The following OXR1 variants were observed in gnomAD, a reference collection of about 807,000 sequenced individuals.
OXR1 encodes oxidation resistance 1.
A neutral mutation model predicts 104.6 loss-of-function variants in OXR1; 41 were observed. That is an observed-to-expected ratio of 0.39 (90% CI 0.31 to 0.51). The LOEUF is 0.51. Ranked by LOEUF, OXR1 falls within the 20% of genes least tolerant of loss-of-function variation. The pLI, the probability that OXR1 is intolerant of heterozygous loss-of-function variation, is 0.77. For missense variants in OXR1, 955 were observed against 1,031.9 expected, an observed-to-expected ratio of 0.93 and a Z score of 1.02; for synonymous variants, 348 against 348.4, an observed-to-expected ratio of 1.00 and a Z score of 0.01.
At chr8:106,601,816 T>C (rs1432677302) in intron 3 of OXR1, among the ~76,000 whole-genome samples, 1 of 152,156 alleles carries the variant, frequency 6.6e-6, no homozygotes, top group Non-Finnish European at 1.5e-5. Flanking sequence ...GTAATTAAAG[T>C]GTTTGATCAG....
rs907773512 is a variant in OXR1 at position 106,288,654 on chromosome 8, TACTC to T, written c.-139+18288_-139+18291del. On this transcript the variant is annotated intron_variant, in intron 1 of 16. Transcript: ENST00000517566. ...TTATATATTAATATATACACACACATACTCTATCTATATTTAAATTTATGTATTA... is the reference window on the plus strand; with the variant it reads ...TTATATATTAATATATACACACACATTATCTATATTTAAATTTATGTATTA... Among the ~76,000 whole-genome samples, 45 of 147,820 alleles carry T rather than the reference TACTC, an allele frequency of 3.0e-4. 1 individual carries two copies. The Middle Eastern group carries it at 0.014, about 47-fold the overall frequency.
At chr8:106,360,848 G>A (rs977849336) in intron 2 of OXR1, among the ~76,000 whole-genome samples, 2 of 152,146 alleles carry the variant, frequency 1.3e-5, no homozygotes, top group African/African-American at 4.8e-5. Context: ...CAAATTGTGT[G>A]TAGGAGATGA....
chr8:106,412,186 A>T (rs1429605776), intron 2 of OXR1, among the ~76,000 whole-genome samples: 2 of 151,988 alleles, frequency 1.3e-5, no homozygotes, highest in African/African-American at 4.8e-5. Flanking sequence ...TTTGACCCTC[A>T]ATTTTTTTTT....
At chr8:106,611,930 A>G (rs1315736048) in intron 3 of OXR1, among the ~76,000 whole-genome samples, 1 of 117,052 alleles carries the variant, frequency 8.5e-6, no homozygotes, top group African/African-American at 4.0e-5. Context: ...TATGGTAAAA[A>G]CACATAAAAA....
At chr8:106,342,452 G>A (rs1278268781) in intron 1 of OXR1, among the ~76,000 whole-genome samples, 2 of 151,510 alleles carry the variant, frequency 1.3e-5, no homozygotes, top group Non-Finnish European at 1.5e-5. Context: ...ATGGGGTTTC[G>A]CCATTTTGGC....
intron 1 of OXR1, among the ~76,000 whole-genome samples, chr8:106,299,676 A>G (rs1265323124): frequency 1.3e-5 from 2 of 152,144 alleles, no homozygotes; most frequent in Non-Finnish European, 2.9e-5. Context: ...TTTCTATATT[A>G]TAAAGTTCAC....
At chr8:106,475,105 T>C (rs1821727090) in intron 2 of OXR1, among the ~76,000 whole-genome samples, 2 of 152,022 alleles carry the variant, frequency 1.3e-5, no homozygotes, top group Admixed American at 1.3e-4. Flanking sequence ...AGTTGACCCT[T>C]GAACAGTGTA....
chr8:106,680,145 A>G (rs1828005718), intron 4 of OXR1, among the ~76,000 whole-genome samples: 1 of 152,126 alleles, frequency 6.6e-6, no homozygotes, highest in South Asian at 2.1e-4. Flanking sequence ...CCATTCATAT[A>G]TAGCGGACAG....
intron 11 of OXR1, among the ~76,000 whole-genome samples, chr8:106,719,126 C>T (rs1832594999): frequency 6.6e-6 from 1 of 152,080 alleles, no homozygotes; most frequent in Non-Finnish European, 1.5e-5. Flanking sequence ...TAAGTATATC[C>T]AGTGTTGTGA....
At chr8:106,592,986 T>C (rs1161135688) in intron 3 of OXR1, among the ~76,000 whole-genome samples, 1 of 152,230 alleles carries the variant, frequency 6.6e-6, no homozygotes, top group Non-Finnish European at 1.5e-5. Flanking sequence ...TCAGGTGTTT[T>C]CCTCTGTTTA....
intron 11 of OXR1, among the ~76,000 whole-genome samples, chr8:106,715,032 T>C (rs1832094682): frequency 6.6e-6 from 1 of 152,160 alleles, no homozygotes; most frequent in South Asian, 2.1e-4. Flanking sequence ...TCAATCTTCA[T>C]ACCAGCTTTA....
chr8:106,357,977 G>A (rs889194519), intron 1 of OXR1, among the ~76,000 whole-genome samples: 2 of 152,108 alleles, frequency 1.3e-5, no homozygotes, highest in African/African-American at 2.4e-5. Flanking sequence ...TAGGACACTA[G>A]ATGCCCGGAA....
intron 6 of OXR1, among the ~76,000 whole-genome samples, chr8:106,688,515 C>G (rs1272377737): frequency 6.6e-6 from 1 of 151,982 alleles, no homozygotes; most frequent in Non-Finnish European, 1.5e-5. Context: ...AGAATGTAGG[C>G]ATATTAAATC....
intron 11 of OXR1, among the ~76,000 whole-genome samples, chr8:106,716,696 A>G (rs556613717): frequency 6.6e-6 from 1 of 152,174 alleles, no homozygotes; most frequent in East Asian, 1.9e-4. Flanking sequence ...GAATGGAAAG[A>G]AAAAAGAATG....
In OXR1 at chr8:106,640,904, T is replaced by C. The variant is rs149806931; in HGVS notation, c.221-38306T>C. Among the ~76,000 whole-genome samples, 783 of 152,312 alleles carry C rather than the reference T, an allele frequency of 5.1e-3. 11 individuals are homozygous for C. Among genetic ancestry groups the C allele is most frequent in the African/African-American group, 0.018 (734 of 41,574 alleles). ...AGTTCCAAAATCAAACTAGAACATATGCATACTATAAAGTAAATTTACTTC... is the reference window on the plus strand; with the variant it reads ...AGTTCCAAAATCAAACTAGAACATACGCATACTATAAAGTAAATTTACTTC... On this transcript the variant is annotated intron_variant, in intron 3 of 16. Coordinates refer to ENST00000517566, the MANE Select transcript of OXR1 (RefSeq NM_001198533.2).
At chr8:106,436,397 C>T (rs1432705846) in intron 2 of OXR1, among the ~76,000 whole-genome samples, 2 of 152,050 alleles carry the variant, frequency 1.3e-5, no homozygotes, top group African/African-American at 4.8e-5. Flanking sequence ...GTTGTAATCA[C>T]CTCACTCTCT....
At chr8:106,379,181 G>A (rs1817029964) in intron 2 of OXR1, among the ~76,000 whole-genome samples, 1 of 152,144 alleles carries the variant, frequency 6.6e-6, no homozygotes. Context: ...GAAATTCTGG[G>A]ATGGCATTCA....
intron 4 of OXR1, among the ~76,000 whole-genome samples, chr8:106,681,803 G>A (rs937010399): frequency 6.6e-6 from 1 of 152,142 alleles, no homozygotes; most frequent in African/African-American, 2.4e-5. Context: ...GGAATTACAG[G>A]CATGACCCAC....
Position 106,276,860 on chromosome 8 carries a change from T to A in OXR1, c.-139+6493T>A, listed in dbSNP as rs556593453. 3.2e-4 allele frequency among the ~76,000 whole-genome samples: 49 copies of A among 152,188 alleles called. No homozygotes were observed. The South Asian group carries it at 9.8e-3, about 30-fold the overall frequency. ...AAACGCCTTTTTATTTTTTCCTAATTGGGATGAAAATAAGTAGAGCTTTAG... is the reference window on the plus strand; with the variant it reads ...AAACGCCTTTTTATTTTTTCCTAATAGGGATGAAAATAAGTAGAGCTTTAG... On this transcript the variant is annotated intron_variant, in intron 1 of 16. Transcript: ENST00000517566.
Sources: gnomAD v4.1 joint callset for allele counts (sites outside exome capture counted in the v4.1 genomes callset) on GRCh38, gnomAD v4.1.1 for gene constraint, MANE v1.5 for transcripts, NCBI Gene and HGNC (gene_info 2026-07-23, HGNC 2026-07-21) for gene names.